KIF5C: variants seen among roughly 807,000 people sequenced by gnomAD.
KIF5C encodes kinesin family member 5C.
Under a neutral mutation model 125.2 loss-of-function variants are expected in KIF5C, and 18 were observed. The ratio of observed to expected loss-of-function variants is 0.14; its 90% confidence interval spans 0.10 to 0.21. The LOEUF is 0.21. Ranked by LOEUF, KIF5C falls within the 10% of genes least tolerant of loss-of-function variation. The probability of loss-of-function intolerance (pLI) is 1.00; values close to 1 mark genes in which losing one functional copy is unlikely to be tolerated. For missense variants in KIF5C, 780 were observed against 1,183.8 expected, an observed-to-expected ratio of 0.66 and a Z score of 5.01; for synonymous variants, 405 against 434.0, an observed-to-expected ratio of 0.93 and a Z score of 0.83.
At chr2:149,014,020 A>G (rs1281069447) in intron 25 of KIF5C, among the ~76,000 whole-genome samples, 1 of 152,132 alleles carries the variant, frequency 6.6e-6, no homozygotes, top group Non-Finnish European at 1.5e-5. Flanking sequence ...TGCTGCACCC[A>G]TCAACCCATC....
At chr2:148,920,795 C>G (rs1681753141) in intron 1 of KIF5C, among the ~76,000 whole-genome samples, 1 of 152,220 alleles carries the variant, frequency 6.6e-6, no homozygotes, top group African/African-American at 2.4e-5. Flanking sequence ...TCTTGGATCC[C>G]TCATGAGCAA....
Position 149,025,107 on chromosome 2 carries a change from C to T in KIF5C, c.*2037C>T, listed in dbSNP as rs563725474. On this transcript the variant is annotated 3_prime_UTR_variant, in exon 26 of 26. Transcript: ENST00000435030. ...TTAGATTCTTTCCAGGGTGATTTTT[C>T]CCTGGGTACCCCGTTTCTACTTCTA... 1 of 152,676 alleles carries T rather than the reference C, an allele frequency of 6.5e-6. No individual in the cohort carries two copies. Among genetic ancestry groups the T allele is most frequent in the Admixed American group, 6.5e-5 (1 of 15,292 alleles). The allele number at this position is 152,676 out of a possible 1,614,324, so 9.5% of individuals were successfully genotyped here.
chr2:148,986,681 A>G (rs1450045097), intron 15 of KIF5C, among the ~76,000 whole-genome samples: 1 of 152,232 alleles, frequency 6.6e-6, no homozygotes, highest in Non-Finnish European at 1.5e-5. Context: ...TATTCCTAAA[A>G]TGCCATTTAA....
Position 148,875,452 on chromosome 2 carries a change from C to T in KIF5C, c.-166C>T, listed in dbSNP as rs1049164584. 2.0e-5 allele frequency: 12 copies of T among 596,962 alleles called. No individual in the cohort carries two copies. Among genetic ancestry groups the T allele is most frequent in the South Asian group, 1.6e-4 (8 of 48,766 alleles). The allele number at this position is 596,962 out of a possible 1,614,324, so 37.0% of individuals were successfully genotyped here. On this transcript the variant is annotated 5_prime_UTR_variant, in exon 1 of 26. Coordinates refer to ENST00000435030, the MANE Select transcript of KIF5C (RefSeq NM_004522.3). ...CCCACCTTCCCGGGCTCGGAGCGGC[C>T]GGGGCTGCTCAGCCGGCCGGGCTCG...
intron 1 of KIF5C, among the ~76,000 whole-genome samples, chr2:148,881,904 C>T (rs1681370334): frequency 6.6e-6 from 1 of 152,182 alleles, no homozygotes; most frequent in African/African-American, 2.4e-5. Flanking sequence ...AAATTGCCTA[C>T]TCCCTAATGG....
At chr2:148,906,277 G>A (rs185300603) in intron 1 of KIF5C, among the ~76,000 whole-genome samples, 1 of 152,332 alleles carries the variant, frequency 6.6e-6, no homozygotes, top group East Asian at 1.9e-4. Flanking sequence ...ATGAGTGCCT[G>A]GAGGGAACCA....
intron 15 of KIF5C, among the ~76,000 whole-genome samples, chr2:148,990,102 A>G (rs187878202): frequency 4.7e-4 from 72 of 152,318 alleles, no homozygotes; most frequent in Non-Finnish European, 9.6e-4. Flanking sequence ...TCTGGTGGCT[A>G]AACAAAATAT....
chr2:148,947,964 A>C (rs1259689670), intron 8 of KIF5C: 1 of 456,574 alleles, frequency 2.2e-6, no homozygotes, highest in East Asian at 6.9e-5. Context: ...CATCCACGTG[A>C]GTAATGGTTA....
intron 23 of KIF5C, among the ~76,000 whole-genome samples, chr2:149,008,989 ATG>A (rs1491414415): frequency 3.5e-5 from 5 of 144,336 alleles, no homozygotes; most frequent in African/African-American, 1.3e-4. Context: ...GTTTTTTTTA[ATG>A]TTTTTTTTTT....
At chr2:148,953,635 A>G (rs1374785403) in intron 10 of KIF5C, among the ~76,000 whole-genome samples, 1 of 152,196 alleles carries the variant, frequency 6.6e-6, no homozygotes, top group Non-Finnish European at 1.5e-5. Flanking sequence ...GAGGTGGCCA[A>G]ACCTTAGGGC....
intron 2 of KIF5C, among the ~76,000 whole-genome samples, chr2:148,925,311 C>G (rs904226904): frequency 2.0e-5 from 3 of 152,130 alleles, no homozygotes; most frequent in African/African-American, 7.2e-5. Context: ...AATGGATGGA[C>G]TTTATCCTGC....
chr2:149,010,596 G>T (rs1036208912), intron 24 of KIF5C, among the ~76,000 whole-genome samples: 5 of 152,386 alleles, frequency 3.3e-5, no homozygotes, highest in African/African-American at 1.2e-4. Flanking sequence ...TTCTGAGCTG[G>T]GCAGAGAGAA....
At chr2:148,891,091 T>C (rs1018462795) in intron 1 of KIF5C, among the ~76,000 whole-genome samples, 6 of 152,270 alleles carry the variant, frequency 3.9e-5, no homozygotes, top group Non-Finnish European at 5.9e-5. Flanking sequence ...GAATTTTGCA[T>C]TGTGGGTCCC....
At chr2:149,007,934 G>C (rs1169467176) in intron 22 of KIF5C, 29 bp from the exon 23 acceptor site, 1 of 1,550,516 alleles carries the variant, frequency 6.4e-7, no homozygotes, top group Non-Finnish European at 8.8e-7. Flanking sequence ...GTGACAGCCT[G>C]TCCTGCTGAC....
chr2:148,993,082 G>A (rs1681570588), intron 16 of KIF5C, among the ~76,000 whole-genome samples: 1 of 152,226 alleles, frequency 6.6e-6, no homozygotes, highest in Non-Finnish European at 1.5e-5. Flanking sequence ...TGAGGAAGAG[G>A]TAGTGCCAGC....
rs549723086 is a variant in KIF5C at position 148,981,300 on chromosome 2, A to G, written c.1363-55A>G. ...TTACTTACTTTTGGATACAGCATAG[A>G]ACATAAACATTTGAACATTAGATTC... On this transcript the variant is annotated intron_variant, in intron 13 of 25. Transcript: ENST00000435030. 1.9e-5 allele frequency: 29 copies of G among 1,525,186 alleles called. No homozygotes were observed. In the South Asian group the frequency reaches 3.5e-4, roughly 18 times the overall value. The allele number at this position is 1,525,186 out of a possible 1,614,324, so 94.5% of individuals were successfully genotyped here. A position where few individuals can be genotyped will look rare whatever the true frequency, so the allele number is the denominator to read the frequency against.
In KIF5C at chr2:149,011,515, C is replaced by T. The variant is rs899336134; in HGVS notation, c.2768-55C>T. On this transcript the variant is annotated intron_variant, in intron 24 of 25. Transcript: ENST00000435030. Reference sequence around the variant, plus strand: ...AGGTGACCTGTAGATATCAGGGTTGCTGTTAAGACTTTTCTAAATGTCTGT... The same window carrying T: ...AGGTGACCTGTAGATATCAGGGTTGTTGTTAAGACTTTTCTAAATGTCTGT... 4.4e-6 allele frequency: 7 copies of T among 1,604,352 alleles called. No homozygotes were observed. In the African/African-American group the frequency reaches 9.4e-5, roughly 21 times the overall value.
At chr2:148,974,544 T>C (rs1681009746) in intron 12 of KIF5C, among the ~76,000 whole-genome samples, 1 of 152,212 alleles carries the variant, frequency 6.6e-6, no homozygotes, top group Admixed American at 6.5e-5. Context: ...CCTACTCTTC[T>C]GAAAACACAT....
At chr2:148,998,288 A>G in intron 18 of KIF5C, 112 bp from the exon 19 acceptor site, 1 of 1,482,540 alleles carries the variant, frequency 6.7e-7, no homozygotes, top group Non-Finnish European at 9.1e-7. Flanking sequence ...CAGTTTTGGG[A>G]TCTGACATCT....
Sources: allele counts gnomAD v4.1 joint callset (sites outside exome capture counted in the v4.1 genomes callset), GRCh38; gene constraint gnomAD v4.1.1; transcripts MANE v1.5; gene names NCBI Gene and HGNC (gene_info 2026-07-23, HGNC 2026-07-21).